Variants in NBAS observed in about 807,000 individuals in gnomAD.
NBAS encodes NBAS subunit of NRZ tethering complex, also known as NAG/BC035112 fusion.
A neutral mutation model predicts 302.5 loss-of-function variants in NBAS; 219 were observed. That is an observed-to-expected ratio of 0.72 (90% CI 0.65 to 0.81). The LOEUF (loss-of-function observed/expected upper bound fraction) is 0.81, where lower values mean the gene tolerates loss of function less well. NBAS is among the 30% of genes least tolerant of loss of function. The pLI, the probability that NBAS is intolerant of heterozygous loss-of-function variation, is 0.00. For missense variants in NBAS, 2,932 were observed against 2,841.6 expected (o/e 1.03, Z -0.72); for synonymous variants, 1,118 against 1,021.6 (o/e 1.09, Z -1.80).
the NBAS span, among the ~76,000 whole-genome samples, chr2:14,870,704 C>T: frequency 1.3e-5 from 2 of 150,524 alleles, no homozygotes; most frequent in South Asian, 2.1e-4. Flanking sequence ...TATGCAATAA[C>T]ATAAAATTCA....
At chr2:14,970,674 C>T in the NBAS span, among the ~76,000 whole-genome samples, 1 of 152,172 alleles carries the variant, frequency 6.6e-6, no homozygotes, top group Non-Finnish European at 1.5e-5. Flanking sequence ...GTGGAAAGAA[C>T]TGGAACTGGG....
the NBAS span, among the ~76,000 whole-genome samples, chr2:14,821,947 C>T: frequency 1.3e-5 from 2 of 151,858 alleles, no homozygotes; most frequent in Non-Finnish European, 1.5e-5. Context: ...GCAAGAGAAT[C>T]GCTTGAACTC....
chr2:14,848,334 C>T, the NBAS span, among the ~76,000 whole-genome samples: 1 of 144,866 alleles, frequency 6.9e-6, no homozygotes, highest in Non-Finnish European at 1.5e-5. Flanking sequence ...CCTGGAAAAT[C>T]GGGTCACTCC....
intron 27 of NBAS, among the ~76,000 whole-genome samples, chr2:15,395,823 A>G (rs892076204): frequency 6.6e-6 from 1 of 152,140 alleles, no homozygotes; most frequent in Admixed American, 6.5e-5. Flanking sequence ...AATAAATATT[A>G]GTAAAAATAT....
chr2:14,834,908 G>C, the NBAS span, among the ~76,000 whole-genome samples: 1 of 151,988 alleles, frequency 6.6e-6, no homozygotes, highest in Non-Finnish European at 1.5e-5. Flanking sequence ...ACTAGAGAAA[G>C]GCAACACCAA....
At chr2:14,907,116 A>G in the NBAS span, among the ~76,000 whole-genome samples, 1 of 152,170 alleles carries the variant, frequency 6.6e-6, no homozygotes, top group Non-Finnish European at 1.5e-5. Context: ...TTGGCCCACT[A>G]GTGCCCTGGC....
At position 15,541,004 on chromosome 2, in the gene NBAS, G is replaced by A. The variant is rs147768507; in HGVS notation, c.380-1648C>T. Among the ~76,000 whole-genome samples the A allele has an allele frequency of 5.3e-3, 804 of 152,172 alleles. 6 individuals carry two copies. The highest frequency in any genetic ancestry group is 0.018 in the African/African-American group (735 of 41,524). On this transcript the variant is annotated intron_variant, in intron 6 of 51. Transcript: ENST00000281513. The stretch of plus-strand genomic sequence containing the variant: ...CTCCCAAAGTGCTGGAATTACAGGC[G>A]TGAGCCACCGCACCCCGCCCATACG...
chr2:14,858,013 G>A, the NBAS span, among the ~76,000 whole-genome samples: 1 of 152,084 alleles, frequency 6.6e-6, no homozygotes, highest in Non-Finnish European at 1.5e-5. Flanking sequence ...AAGTGGGCAA[G>A]AGACTTTAAT....
chr2:15,432,379 C>T (rs1677808895), intron 21 of NBAS, among the ~76,000 whole-genome samples: 1 of 151,602 alleles, frequency 6.6e-6, no homozygotes, highest in South Asian at 2.1e-4. Flanking sequence ...GAACCCTATT[C>T]ATTGTTTTAT....
chr2:15,035,195 C>CAT, the NBAS span, among the ~76,000 whole-genome samples: 121,476 of 151,068 alleles, frequency 0.8, 49,348 homozygotes, highest in East Asian at 1. Flanking sequence ...ATAATTTACA[C>CAT]ATAAATGTTT....
the NBAS span, among the ~76,000 whole-genome samples, chr2:15,086,314 C>T: frequency 6.6e-6 from 1 of 152,138 alleles, no homozygotes; most frequent in Non-Finnish European, 1.5e-5. Flanking sequence ...ACTCGGGATA[C>T]CCTGGCTGTG....
Position 15,424,587 on chromosome 2 carries a change from T to C in NBAS, c.2424-119A>G, listed in dbSNP as rs1429349702. On this transcript the variant is annotated intron_variant, in intron 22 of 51. Transcript: ENST00000281513. Reference sequence around the variant, plus strand: ...AAGTAAGAGACAGGGAGCATACATGTATGTGGTTTGTGTATCTATCACATG... The same window carrying C: ...AAGTAAGAGACAGGGAGCATACATGCATGTGGTTTGTGTATCTATCACATG... The C allele has an allele frequency of 1.6e-5, 18 of 1,155,878 alleles. 1 individual carries two copies. The highest frequency in any genetic ancestry group is 2.3e-5 in the Non-Finnish European group (18 of 773,364). The allele number at this position is 1,155,878 out of a possible 1,614,324, so 71.6% of individuals were successfully genotyped here.
chr2:15,343,946 T>C (rs1672970261), intron 35 of NBAS, among the ~76,000 whole-genome samples: 1 of 126,402 alleles, frequency 7.9e-6, no homozygotes, highest in Non-Finnish European at 1.7e-5. Flanking sequence ...AGAGAAAAAA[T>C]ACTTTAAAAT....
At chr2:14,815,123 T>G in the NBAS span, among the ~76,000 whole-genome samples, 2 of 152,170 alleles carry the variant, frequency 1.3e-5, no homozygotes, top group Non-Finnish European at 2.9e-5. Context: ...ATTTAAACCT[T>G]TTTTCTTCAT....
At chr2:15,160,873 A>C in the NBAS span, among the ~76,000 whole-genome samples, 1 of 152,222 alleles carries the variant, frequency 6.6e-6, no homozygotes, top group Non-Finnish European at 1.5e-5. Context: ...GGTGAGGATG[A>C]TAAAAGTTCT....
intron 21 of NBAS, 118 bp from the exon 22 acceptor site, chr2:15,427,912 A>G (rs1048114954): frequency 1.3e-5 from 10 of 762,530 alleles, no homozygotes; most frequent in African/African-American, 1.2e-4. Context: ...TCATGCTTAT[A>G]GTATTTTAAG....
chr2:15,208,305 C>A (rs552529482), intron 48 of NBAS, among the ~76,000 whole-genome samples: 2 of 152,120 alleles, frequency 1.3e-5, no homozygotes, highest in African/African-American at 2.4e-5. Flanking sequence ...TTCACTACCA[C>A]GAGAACAGTA....
the NBAS span, among the ~76,000 whole-genome samples, chr2:15,062,203 C>T: frequency 6.6e-6 from 1 of 152,182 alleles, no homozygotes; most frequent in African/African-American, 2.4e-5. Context: ...TAGCATTTCT[C>T]CAAGACTCAG....
intron 23 of NBAS, among the ~76,000 whole-genome samples, chr2:15,423,782 T>A (rs1309745814): frequency 6.6e-6 from 1 of 152,212 alleles, no homozygotes. Context: ...AAGATTAGTA[T>A]TCAGATACTC....
Sources: gnomAD v4.1 joint callset for allele counts (sites outside exome capture counted in the v4.1 genomes callset) on GRCh38, gnomAD v4.1.1 for gene constraint, MANE v1.5 for transcripts, NCBI Gene and HGNC (gene_info 2026-07-23, HGNC 2026-07-21) for gene names.